Variants in ZBTB44 observed in about 807,000 individuals in gnomAD.
ZBTB44 encodes zinc finger and BTB domain containing 44.
In ZBTB44, 15 loss-of-function variants were observed where a neutral mutation model predicts 54.0. The observed-to-expected ratio is 0.28, with a 90% CI of 0.19 to 0.43. The LOEUF is 0.43. Among genes scored for constraint, ZBTB44 ranks in the 20% least tolerant of loss-of-function variants. The pLI, the probability that ZBTB44 is intolerant of heterozygous loss-of-function variation, is 1.00. For synonymous variants in ZBTB44, 230 were observed against 250.1 expected (o/e 0.92, Z 0.76); for missense variants, 487 against 707.1 (o/e 0.69, Z 3.53).
intron 1 of ZBTB44, among the ~76,000 whole-genome samples, chr11:130,277,731 A>C (rs1018093268): frequency 3.3e-5 from 5 of 152,138 alleles, no homozygotes; most frequent in African/African-American, 4.8e-5. Context: ...GTGCATTCAA[A>C]TTACCATCTA....
intron 1 of ZBTB44, among the ~76,000 whole-genome samples, chr11:130,290,775 G>A (rs1941253455): frequency 6.6e-6 from 1 of 152,190 alleles, no homozygotes; most frequent in South Asian, 2.1e-4. Flanking sequence ...AGATCTGGCA[G>A]AACTATTATT....
chr11:130,293,226 C>G (rs1941408252), intron 1 of ZBTB44, among the ~76,000 whole-genome samples: 1 of 151,378 alleles, frequency 6.6e-6, no homozygotes, highest in Non-Finnish European at 1.5e-5. Context: ...CTTTGGGAGG[C>G]CAAGGCAGGA....
intron 2 of ZBTB44, among the ~76,000 whole-genome samples, chr11:130,256,671 T>A (rs1032469303): frequency 1.4e-5 from 2 of 142,262 alleles, no homozygotes; most frequent in Non-Finnish European, 3.0e-5. Flanking sequence ...AATAAATAAA[T>A]AAAAATTAAA....
At chr11:130,260,029 TAAAG>T (rs1180029538) in intron 2 of ZBTB44, among the ~76,000 whole-genome samples, 1 of 151,684 alleles carries the variant, frequency 6.6e-6, no homozygotes, top group Non-Finnish European at 1.5e-5. Flanking sequence ...AAATAAATAA[TAAAG>T]AAAAAATAAA....
chr11:130,298,616 C>T (rs914067644), intron 1 of ZBTB44, among the ~76,000 whole-genome samples: 2 of 151,944 alleles, frequency 1.3e-5, no homozygotes, highest in Non-Finnish European at 2.9e-5. Flanking sequence ...GTACGTGCCA[C>T]CACGCCTGGC....
chr11:130,305,907 C>T (rs1178914630), intron 1 of ZBTB44, among the ~76,000 whole-genome samples: 4 of 151,580 alleles, frequency 2.6e-5, no homozygotes, highest in East Asian at 3.9e-4. Flanking sequence ...CAAAAACAAA[C>T]GAACAAACAA....
At chr11:130,295,610 G>T in intron 1 of ZBTB44, 3 of 782,630 alleles carry the variant, frequency 3.8e-6, no homozygotes, top group Non-Finnish European at 4.4e-6. Context: ...ACATAATATT[G>T]TCAATGAAAA....
intron 2 of ZBTB44, among the ~76,000 whole-genome samples, chr11:130,255,585 C>T (rs1938364384): frequency 6.6e-6 from 1 of 152,038 alleles, no homozygotes; most frequent in South Asian, 2.1e-4. Flanking sequence ...ACACGAAAAG[C>T]CCTTCAAAAA....
intron 5 of ZBTB44, chr11:130,236,117 C>A: frequency 7.8e-7 from 1 of 1,282,440 alleles, no homozygotes; most frequent in Non-Finnish European, 1.0e-6. Flanking sequence ...TACATTTTAT[C>A]TTTCTCTAAG....
intron 1 of ZBTB44, among the ~76,000 whole-genome samples, chr11:130,274,830 G>A (rs1410018474): frequency 6.6e-6 from 1 of 152,056 alleles, no homozygotes; most frequent in Non-Finnish European, 1.5e-5. Flanking sequence ...TTCTTGTGAC[G>A]TCTTTGTCTG....
At chr11:130,233,725 T>C (rs1196894741) in intron 6 of ZBTB44, 10 of 1,167,770 alleles carry the variant, frequency 8.6e-6, no homozygotes, top group Non-Finnish European at 1.1e-5. Context: ...AAGAAGGAAC[T>C]GGTATATGTT....
intron 1 of ZBTB44, among the ~76,000 whole-genome samples, chr11:130,299,059 G>C (rs745502919): frequency 6.6e-6 from 1 of 151,894 alleles, no homozygotes; most frequent in Non-Finnish European, 1.5e-5. Flanking sequence ...CTCCAGCCTG[G>C]GTAACAGAGT....
chr11:130,276,195 C>T (rs1940059449), intron 1 of ZBTB44, among the ~76,000 whole-genome samples: 2 of 111,512 alleles, frequency 1.8e-5, no homozygotes, highest in South Asian at 2.8e-4. Flanking sequence ...CTTGGCATTC[C>T]AGCCTAAGCA....
chr11:130,281,794 CCGGGG>C (rs1316496424), intron 1 of ZBTB44, among the ~76,000 whole-genome samples: 14 of 7,914 alleles, frequency 1.8e-3, no homozygotes, highest in East Asian at 0.011. Flanking sequence ...CGGGGTTTCG[CCGGGG>C]TTTCGCCGTG....
chr11:130,276,566 C>T (rs1940120162), intron 1 of ZBTB44, among the ~76,000 whole-genome samples: 2 of 151,740 alleles, frequency 1.3e-5, no homozygotes. Flanking sequence ...TCTCGAGTAG[C>T]TGGGATTATA....
At chr11:130,232,010 G>A (rs1418785446) in intron 7 of ZBTB44, 5 of 152,126 alleles carry the variant, frequency 3.3e-5, no homozygotes, top group African/African-American at 1.2e-4. Context: ...GCAGCAAATG[G>A]GTAAAAACAA....
chr11:130,298,614 C>T (rs1359223326), intron 1 of ZBTB44, among the ~76,000 whole-genome samples: 1 of 151,802 alleles, frequency 6.6e-6, no homozygotes, highest in Non-Finnish European at 1.5e-5. Context: ...AGGTACGTGC[C>T]ACCACGCCTG....
chr11:130,291,660 C>T (rs139271699), intron 1 of ZBTB44, among the ~76,000 whole-genome samples: 149 of 152,278 alleles, frequency 9.8e-4, no homozygotes, highest in Middle Eastern at 3.4e-3. Flanking sequence ...TCTGTTGGGA[C>T]TCACTGATCC....
intron 6 of ZBTB44, chr11:130,233,883 C>CCA: frequency 9.1e-7 from 1 of 1,096,614 alleles, no homozygotes; most frequent in Non-Finnish European, 1.1e-6. Flanking sequence ...CCAATCTCCC[C>CCA]CTCCCTCCCA....
Sources: gnomAD v4.1 joint callset for allele counts (sites outside exome capture counted in the v4.1 genomes callset) on GRCh38, gnomAD v4.1.1 for gene constraint, MANE v1.5 for transcripts, NCBI Gene and HGNC (gene_info 2026-07-23, HGNC 2026-07-21) for gene names.